SLC4A2: variants seen among roughly 807,000 people sequenced by gnomAD.
SLC4A2 encodes anion exchange protein 2.
Under a neutral mutation model 115.0 loss-of-function variants are expected in SLC4A2, and 36 were observed. The ratio of observed to expected loss-of-function variants is 0.31; its 90% confidence interval spans 0.24 to 0.41. The LOEUF (loss-of-function observed/expected upper bound fraction) is 0.41, where lower values mean the gene tolerates loss of function less well. SLC4A2 is among the 10% of genes least tolerant of loss of function. The pLI is 1.00. For synonymous variants in SLC4A2, 708 were observed against 708.3 expected, an observed-to-expected ratio of 1.00 and a Z score of 0.01; for missense variants, 1,252 against 1,705.6, an observed-to-expected ratio of 0.73 and a Z score of 4.68.
Position 151,070,059 on chromosome 7 carries a change from G to A in SLC4A2, c.1260G>A (p.Leu420=), listed in dbSNP as rs1450745060. ...AGGCCGAGGACAGGGCCAACGTGCTGCGGGCTCTGCTGTTGAAACACAGGT... is the reference window on the plus strand; with the variant it reads ...AGGCCGAGGACAGGGCCAACGTGCTACGGGCTCTGCTGTTGAAACACAGGT... ...QIKAEDRANV[L]RALLLKHSHP... Residue 420 remains leucine, a synonymous_variant, in exon 9 of 23, where the codon CTG becomes CTA. Transcript: ENST00000413384. 1 of 1,614,112 alleles carries A rather than the reference G, an allele frequency of 6.2e-7. No individual in the cohort carries two copies. Among genetic ancestry groups the A allele is most frequent in the Non-Finnish European group, 8.5e-7 (1 of 1,179,986 alleles).
chr7:151,074,286 C>T lies in SLC4A2; in HGVS notation c.2783C>T (p.Pro928Leu), dbSNP rs1276923418. Reference sequence around the variant, plus strand: ...AAATTCAAGAACAGCCGGTTCTTTCCTGGCCGGGTGCGTGGGCTTAAAGGC... The same window carrying T: ...AAATTCAAGAACAGCCGGTTCTTTCTTGGCCGGGTGCGTGGGCTTAAAGGC... ...LRKFKNSRFF[P>L]GRIRRVIGDF... The change falls in exon 17 of 23, where the codon CCT becomes CTT. Residue 928 changes from proline to leucine, a missense_variant. Pro to Leu is a moderately conservative substitution (Grantham distance 98, BLOSUM62 -3). Coordinates refer to ENST00000413384, the MANE Select transcript of SLC4A2 (RefSeq NM_003040.4). 6.2e-7 allele frequency: 1 copy of T among 1,609,678 alleles called. No individual in the cohort carries two copies. The highest frequency in any genetic ancestry group is 1.7e-5 in the Admixed American group (1 of 59,994).
At chr7:151,072,650 TTTTA>T (rs1217787264) in intron 16 of SLC4A2, among the ~76,000 whole-genome samples, 1 of 151,332 alleles carries the variant, frequency 6.6e-6, no homozygotes, top group Non-Finnish European at 1.5e-5. Flanking sequence ...AAACTCATAC[TTTTA>T]TTTCTTTTTT....
Position 151,072,034 on chromosome 7 carries a change from G to A in SLC4A2, c.2433G>A (p.Glu811=). ...TGGCCCTGCTCATGGTGGCCCTGGA[G>A]GGGAGCTTCCTGGTCCGCTTCGTCT... ...VFLALLMVAL[E]GSFLVRFVSR... is the part of the protein sequence containing the mutation. Residue 811 remains glutamate (E), a synonymous_variant, in exon 16 of 23, where the codon GAG becomes GAA. Transcript: ENST00000413384. 2 of 1,614,138 alleles carry A rather than the reference G, an allele frequency of 1.2e-6. No homozygotes were observed. Among genetic ancestry groups the A allele is most frequent in the Non-Finnish European group, 8.5e-7 (1 of 1,180,022 alleles).
rs372174267 is a variant in SLC4A2, at chr7:151,068,099, A to G, written c.1147+45A>G. The stretch of plus-strand genomic sequence containing the variant: ...CCTCCCGCCTGGCCAGTCCCCAGGA[A>G]ATTCTCCCACATGGCCCCAAATCTG... On this transcript the variant is annotated intron_variant, in intron 8 of 22. Transcript: ENST00000413384. The G allele has an allele frequency of 2.1e-5, 29 of 1,375,198 alleles. No homozygotes were observed. The African/African-American group carries it at 3.8e-4, about 18-fold the overall frequency. 85.2% of individuals were successfully genotyped at this position (1,375,198 alleles called of 1,614,324 possible).
chr7:151,065,566 T>A (rs756908924), intron 5 of SLC4A2, among the ~76,000 whole-genome samples: 5 of 152,156 alleles, frequency 3.3e-5, no homozygotes, highest in Non-Finnish European at 7.4e-5. Flanking sequence ...TTGAACTAGG[T>A]CTCAAGGTCA....
At chr7:151,065,826 T>C (rs1041569745) in intron 5 of SLC4A2, among the ~76,000 whole-genome samples, 8 of 152,098 alleles carry the variant, frequency 5.3e-5, no homozygotes, top group Admixed American at 2.0e-4. Context: ...AGCCTGGTCA[T>C]GGGAGGGGAC....
intron 2 of SLC4A2, chr7:151,062,467 A>G: frequency 1.4e-6 from 1 of 713,488 alleles, no homozygotes; most frequent in African/African-American, 2.6e-5. Context: ...CCCTGCCCCC[A>G]CGTGGCCACC....
chr7:151,066,387 C>A, intron 5 of SLC4A2, 130 bp from the exon 6 acceptor site: 1 of 1,136,458 alleles, frequency 8.8e-7, no homozygotes, highest in Non-Finnish European at 1.2e-6. Flanking sequence ...GTGCCCGCAC[C>A]TCCCGGGAGT....
rs200843131 is a variant in SLC4A2, at chr7:151,076,120, C to T, written c.3579C>T (p.Leu1193=). ...CCTCCCTGGCCTTCCCCTTCATCCTCATCCTCACAGTGCCGCTCCGCATGG... is the reference window on the plus strand; with the variant it reads ...CCTCCCTGGCCTTCCCCTTCATCCTTATCCTCACAGTGCCGCTCCGCATGG... ...TAASLAFPFI[L]ILTVPLRMVV... The change falls in exon 22 of 23, where the codon CTC becomes CTT. Residue 1193 remains leucine (L), a synonymous_variant. Transcript: ENST00000413384. The T allele has an allele frequency of 2.6e-4, 415 of 1,610,956 alleles. 2 individuals are homozygous for T. The highest frequency in any genetic ancestry group is 2.4e-4 in the Non-Finnish European group (286 of 1,179,990).
At chr7:151,062,665 TGC>T in intron 2 of SLC4A2, 1 of 1,519,958 alleles carries the variant, frequency 6.6e-7, no homozygotes. Context: ...CGGCCTCAGG[TGC>T]GAGGGGTCTG....
chr7:151,071,288 C>G lies in SLC4A2; in HGVS notation c.1966C>G (p.Gln656Glu), dbSNP rs756012422. 171 of 1,555,080 alleles carry G rather than the reference C, an allele frequency of 1.1e-4. No homozygotes were observed. Among genetic ancestry groups the G allele is most frequent in the Middle Eastern group, 1.7e-4 (1 of 5,788 alleles). ...GGCTGGGCTGGAGCCCAAATCTGCC[C>G]AAGATAAGGGTACGGCCAGGGCGGG... ...TGAGLEPKSA[Q>E]DKALLQMVEA... The change falls in exon 13 of 23, where the codon CAA (glutamine) becomes GAA (glutamate). Residue 656 changes from glutamine to glutamate, a missense_variant. This residue lies in a region of SLC4A2 where 122 missense variants were observed against 116.8 expected (regional missense o/e 1.04). Coordinates refer to ENST00000413384, the MANE Select transcript of SLC4A2 (RefSeq NM_003040.4). The surrounding 1 kb of genome is among the most constrained non-coding windows in gnomAD (Gnocchi z 5.5).
rs775127227 is a variant in SLC4A2 at position 151,075,483 on chromosome 7, G to A, written c.3276G>A (p.Thr1092=). The change falls in exon 20 of 23, where the codon ACG becomes ACA. Residue 1092 remains threonine (T), a synonymous_variant. Coordinates refer to ENST00000413384, the MANE Select transcript of SLC4A2 (RefSeq NM_003040.4). The part of the protein sequence containing the change: ...KIQEVKEQRV[T]GLLVALLVGL... ...AGGAAGTCAAGGAGCAGCGGGTGAC[G>A]GGGCTGCTGGTTGCCCTGCTTGTGG... The A allele has an allele frequency of 6.7e-5, 108 of 1,600,522 alleles. No individual in the cohort carries two copies. The Admixed American group carries it at 1.5e-3, about 22-fold the overall frequency.
In SLC4A2 at chr7:151,070,765, G is replaced by A; in HGVS notation, c.1603G>A (p.Val535Met). Residue 535 changes from valine (V) to methionine (M), a missense_variant, in exon 12 of 23, where the codon GTG becomes ATG. Physicochemically the swap from Val to Met is conservative, Grantham distance 21. This residue lies in a region of SLC4A2 where 87 missense variants were observed against 170.3 expected (regional missense o/e 0.51). Coordinates refer to ENST00000413384, the MANE Select transcript of SLC4A2 (RefSeq NM_003040.4). Reference sequence around the variant, plus strand: ...CCTCTCCCGCCCCACCATGGCCTTTGTGCGGCTCCGGGAGGCTGTGGAGTT... The same window carrying A: ...CCTCTCCCGCCCCACCATGGCCTTTATGCGGCTCCGGGAGGCTGTGGAGTT... ...EFLSRPTMAF[V>M]RLREAVELDA... is the part of the protein sequence containing the mutation. 1 of 1,613,968 alleles carries A rather than the reference G, an allele frequency of 6.2e-7. No individual in the cohort carries two copies. Among genetic ancestry groups the A allele is most frequent in the Non-Finnish European group, 8.5e-7 (1 of 1,180,012 alleles).
chr7:151,074,987 A>G, intron 19 of SLC4A2, 146 bp downstream of exon 19: 2 of 933,370 alleles, frequency 2.1e-6, no homozygotes, highest in Non-Finnish European at 3.2e-6. Context: ...TATTCTGTAG[A>G]CAGCAGAAAA....
chr7:151,073,953 C>T, intron 16 of SLC4A2, 86 bp from the exon 17 acceptor site: 2 of 1,409,672 alleles, frequency 1.4e-6, no homozygotes, highest in Non-Finnish European at 1.9e-6. Context: ...TTCCCCTGCC[C>T]CACCCCTTCC....
At chr7:151,072,256 G>A (rs1797466630) in intron 16 of SLC4A2, 120 bp downstream of exon 16, 9 of 752,264 alleles carry the variant, frequency 1.2e-5, no homozygotes, top group South Asian at 1.0e-4. Flanking sequence ...CCCGGGGCTT[G>A]TTGCCAACAC....
At position 151,076,098 on chromosome 7, in the gene SLC4A2, C is replaced by T. The variant is rs569267979; in HGVS notation, c.3557C>T (p.Ser1186Phe). 2 of 1,611,124 alleles carry T rather than the reference C, an allele frequency of 1.2e-6. No individual in the cohort carries two copies. The highest frequency in any genetic ancestry group is 2.2e-5 in the South Asian group (2 of 91,090). ...LLWAVMSTAA[S>F]LAFPFILILT... ...TGGGCCGTCATGTCCACAGCTGCCTCCCTGGCCTTCCCCTTCATCCTCATC... is the reference window on the plus strand; with the variant it reads ...TGGGCCGTCATGTCCACAGCTGCCTTCCTGGCCTTCCCCTTCATCCTCATC... Residue 1186 changes from serine to phenylalanine, a missense_variant, in exon 22 of 23, where the codon TCC becomes TTC. Physicochemically the swap from Ser to Phe is radical, Grantham distance 155 (BLOSUM62 -2). Transcript: ENST00000413384.
Position 151,074,096 on chromosome 7 carries a change from G to A in SLC4A2, c.2593G>A (p.Gly865Ser), listed in dbSNP as rs771430465. 3.7e-6 allele frequency: 6 copies of A among 1,609,028 alleles called. No individual in the cohort carries two copies. Among genetic ancestry groups the A allele is most frequent in the Admixed American group, 3.3e-5 (2 of 59,930 alleles). Reference sequence around the variant, plus strand: ...AGCCTCCAACAGCTCAGAGGTGGACGGCGGTGAGAACATGACATGGGCCGG... The same window carrying A: ...AGCCTCCAACAGCTCAGAGGTGGACAGCGGTGAGAACATGACATGGGCCGG... ...CSASNSSEVD[G>S]GENMTWAGAR... Residue 865 changes from glycine (G) to serine (S), a missense_variant, in exon 17 of 23, where the codon GGC (glycine) becomes AGC (serine). This residue lies in a region of SLC4A2 where 118 missense variants were observed against 203.3 expected (regional missense o/e 0.58). Transcript: ENST00000413384.
intron 5 of SLC4A2, among the ~76,000 whole-genome samples, 159 bp downstream of exon 5, chr7:151,065,125 C>T (rs1465707432): frequency 1.3e-5 from 2 of 152,214 alleles, no homozygotes; most frequent in East Asian, 3.8e-4. Flanking sequence ...TTAAGCTCTC[C>T]AAGCCCCAGG....
Sources: gnomAD v4.1 joint callset for allele counts (sites outside exome capture counted in the v4.1 genomes callset) on GRCh38, gnomAD v4.1.1 for gene constraint, gnomAD v4.1.1 regional missense constraint, Gnocchi (gnomAD v3.1) non-coding constraint, MANE v1.5 for transcripts, NCBI Gene and HGNC (gene_info 2026-07-23, HGNC 2026-07-21) for gene names.